Variants in PARVB observed in about 807,000 individuals in gnomAD.
PARVB encodes parvin beta.
PARVB carries 46 observed loss-of-function variants against 47.0 expected under a neutral mutation model. The observed-to-expected ratio is 0.98, with a 90% CI of 0.77 to 1.25. PARVB has a LOEUF of 1.25. Among genes scored for constraint, PARVB ranks in the 50% most tolerant of loss-of-function variants. The probability of loss-of-function intolerance (pLI) is 0.00; values close to 1 mark genes in which losing one functional copy is unlikely to be tolerated. For missense variants in PARVB, 473 were observed against 471.6 expected, an observed-to-expected ratio of 1.00 and a Z score of -0.03; for synonymous variants, 196 against 196.3, an observed-to-expected ratio of 1.00 and a Z score of 0.01.
rs570023800 is a variant in PARVB at position 44,155,644 on chromosome 22, C to T, written c.844-2338C>T. 4.6e-5 allele frequency among the ~76,000 whole-genome samples: 7 copies of T among 152,254 alleles called. No homozygotes were observed. In the East Asian group the frequency reaches 5.8e-4, roughly 13 times the overall value. On this transcript the variant is annotated intron_variant, in intron 10 of 12. Transcript: ENST00000338758. This position sits in a 1 kb window ranked among gnomAD's most constrained non-coding sequence, Gnocchi z 4.8. ...TTCCCTGGAAGTTAGTCCATGGAGA[C>T]GTGGGCATGGCAGCTCAATGTTGTT... is the stretch of plus-strand genomic sequence containing the variant.
chr22:44,089,098 GAC>G lies in PARVB; in HGVS notation c.113-4828_113-4827del, dbSNP rs1022977565. On this transcript the variant is annotated intron_variant, in intron 1 of 12. Transcript: ENST00000338758. This position sits in a 1 kb window ranked among gnomAD's most constrained non-coding sequence, Gnocchi z 4.0. ...TGAGCGAGGAGTGCCCGTCTCCAGA[GAC>G]AGTGTGCCAAGGGGCCCTCCTCCTA... 6.6e-6 allele frequency among the ~76,000 whole-genome samples: 1 copy of G among 152,172 alleles called. No homozygotes were observed. The highest frequency in any genetic ancestry group is 1.5e-5 in the Non-Finnish European group (1 of 68,038).
Position 44,077,031 on chromosome 22 carries a change from C to T in PARVB, c.113-16897C>T, listed in dbSNP as rs73440630. On this transcript the variant is annotated intron_variant, in intron 1 of 12. Coordinates refer to ENST00000338758, the MANE Select transcript of PARVB (RefSeq NM_013327.5). ...CTTGAGTATGGGTCCTGTGCCTGCC[C>T]GGGGCCAAGCAGCAGGTGCAACCGG... Among the ~76,000 whole-genome samples the T allele has an allele frequency of 3.0e-3, 458 of 152,250 alleles. 3 individuals carry two copies. Among genetic ancestry groups the T allele is most frequent in the African/African-American group, 0.01 (424 of 41,540 alleles).
chr22:44,023,335 A>C (rs1216682410), upstream of PARVB, among the ~76,000 whole-genome samples: 3 of 151,484 alleles, frequency 2.0e-5, no homozygotes, highest in African/African-American at 7.3e-5. Context: ...ACATGGCAAA[A>C]CCGCATCTCT....
In PARVB at chr22:44,050,433, T is replaced by C. The variant is rs113571768; in HGVS notation, c.112+25982T>C. On this transcript the variant is annotated intron_variant, in intron 1 of 12. Transcript: ENST00000338758. Reference sequence around the variant, plus strand: ...ATCTCAGCTCACTGCAACCTCCGCCTCCCGGGTTCAAGTGATTCTCCTGCC... The same window carrying C: ...ATCTCAGCTCACTGCAACCTCCGCCCCCCGGGTTCAAGTGATTCTCCTGCC... Among the ~76,000 whole-genome samples the C allele has an allele frequency of 4.6e-3, 699 of 151,540 alleles. 4 individuals are homozygous for C. The highest frequency in any genetic ancestry group is 0.016 in the African/African-American group (665 of 41,188).
intron 1 of PARVB, among the ~76,000 whole-genome samples, chr22:44,042,216 G>GT (rs1415766661): frequency 6.6e-6 from 1 of 152,192 alleles, no homozygotes; most frequent in Non-Finnish European, 1.5e-5. Flanking sequence ...GAGGTCAGGA[G>GT]TTTGAGACCA....
chr22:44,085,756 G>A (rs188629411), intron 1 of PARVB, among the ~76,000 whole-genome samples: 2 of 152,170 alleles, frequency 1.3e-5, no homozygotes, highest in Non-Finnish European at 2.9e-5. Flanking sequence ...TCGGCTACAC[G>A]CAGACTCTCC....
chr22:44,055,470 G>C (rs934377232), intron 1 of PARVB, among the ~76,000 whole-genome samples: 1 of 151,956 alleles, frequency 6.6e-6, no homozygotes, highest in African/African-American at 2.4e-5. Context: ...CAGTAGCTGA[G>C]ATTACAGGCA....
upstream of PARVB, among the ~76,000 whole-genome samples, chr22:44,023,316 GC>G (rs2050673106): frequency 1.3e-5 from 2 of 151,490 alleles, no homozygotes; most frequent in South Asian, 4.2e-4. Context: ...TTCGAGACCA[GC>G]CTGGCCAACA....
At chr22:44,087,336 A>G (rs1461121804) in intron 1 of PARVB, among the ~76,000 whole-genome samples, 1 of 152,218 alleles carries the variant, frequency 6.6e-6, no homozygotes, top group African/African-American at 2.4e-5. Flanking sequence ...ACACACTTAG[A>G]AAAGTGTCAG....
chr22:44,053,612 T>A (rs938834593), intron 1 of PARVB, among the ~76,000 whole-genome samples: 1 of 152,126 alleles, frequency 6.6e-6, no homozygotes, highest in African/African-American at 2.4e-5. Flanking sequence ...GGATGTCCCC[T>A]AGTTCAATTC....
Position 44,001,024 on chromosome 22 carries a change from G to A in PARVB, c.211+1351G>A, listed in dbSNP as rs532098846. The stretch of plus-strand genomic sequence containing the variant: ...AGCACTTTGGGAGGCCCAGGTGGGC[G>A]GATCACCTGAGGTCAGGAGTTCGAG... On this transcript the variant is annotated intron_variant, in intron 2 of 13. Coordinates refer to the PARVB transcript ENST00000406477. Among the ~76,000 whole-genome samples, 31 of 152,314 alleles carry A rather than the reference G, an allele frequency of 2.0e-4. No homozygotes were observed. In the South Asian group the frequency reaches 5.6e-3, roughly 27 times the overall value.
chr22:44,148,762 T>C (rs2053740924), intron 9 of PARVB: 1 of 152,230 alleles, frequency 6.6e-6, no homozygotes, highest in Admixed American at 6.5e-5. Flanking sequence ...GATTTATTTA[T>C]CTATCAATTT....
chr22:44,065,212 CAG>C (rs1323248993), intron 1 of PARVB, among the ~76,000 whole-genome samples: 1 of 152,044 alleles, frequency 6.6e-6, no homozygotes, highest in East Asian at 1.9e-4. Context: ...CCAGATGAAT[CAG>C]GGGACGTGGT....
At chr22:44,037,012 G>A (rs541162233) in intron 1 of PARVB, among the ~76,000 whole-genome samples, 1 of 151,476 alleles carries the variant, frequency 6.6e-6, no homozygotes, top group South Asian at 2.1e-4. Flanking sequence ...AAGATAATCT[G>A]AGAAGTGAGG....
chr22:44,112,347 T>G (rs2052719514), intron 3 of PARVB: 2 of 152,144 alleles, frequency 1.3e-5, no homozygotes, highest in African/African-American at 4.8e-5. Context: ...CCCAGCGGTT[T>G]CACGGCCTCC....
intron 10 of PARVB, among the ~76,000 whole-genome samples, chr22:44,156,466 A>G (rs1281345477): frequency 1.3e-5 from 2 of 151,902 alleles, no homozygotes; most frequent in East Asian, 3.9e-4. Flanking sequence ...TTTACTAGAG[A>G]CGGGGTTTCA....
chr22:44,040,390 G>A (rs2050996753), intron 1 of PARVB, among the ~76,000 whole-genome samples: 1 of 152,178 alleles, frequency 6.6e-6, no homozygotes, highest in Non-Finnish European at 1.5e-5. Context: ...GTTCTCTTAT[G>A]TGGTCAAAGG....
At chr22:44,159,923 G>T (rs556938888) in intron 11 of PARVB, among the ~76,000 whole-genome samples, 1 of 152,296 alleles carries the variant, frequency 6.6e-6, no homozygotes, top group East Asian at 1.9e-4. Context: ...CCACATTTTT[G>T]GGAGGAGGGA....
At chr22:44,167,498 A>G (rs1400368549) in intron 12 of PARVB, among the ~76,000 whole-genome samples, 2 of 152,018 alleles carry the variant, frequency 1.3e-5, no homozygotes, top group Admixed American at 6.5e-5. Context: ...TGAGTCCACC[A>G]TGGGAGTGGA....
Sources: gnomAD v4.1 joint callset for allele counts (sites outside exome capture counted in the v4.1 genomes callset) on GRCh38, gnomAD v4.1.1 for gene constraint, Gnocchi (gnomAD v3.1) non-coding constraint, MANE v1.5 for transcripts, NCBI Gene and HGNC (gene_info 2026-07-23, HGNC 2026-07-21) for gene names.